PLXDC1: variants seen among roughly 807,000 people sequenced by gnomAD.
PLXDC1 encodes plexin domain-containing protein 1.
Under a neutral mutation model 61.3 loss-of-function variants are expected in PLXDC1, and 39 were observed. The observed-to-expected ratio is 0.64, with a 90% confidence interval of 0.49 to 0.83. The LOEUF (loss-of-function observed/expected upper bound fraction) is 0.83. Ranked by LOEUF, PLXDC1 falls within the 40% of genes least tolerant of loss-of-function variation. The pLI, the probability that PLXDC1 is intolerant of heterozygous loss-of-function variation, is 0.00. For missense variants in PLXDC1, 596 were observed against 666.5 expected (o/e 0.89, Z 1.17); for synonymous variants, 212 against 254.5 (o/e 0.83, Z 1.59).
chr17:39,109,602 C>T (rs546164685), intron 2 of PLXDC1, among the ~76,000 whole-genome samples: 98 of 152,268 alleles, frequency 6.4e-4, no homozygotes, highest in Non-Finnish European at 7.5e-4. Flanking sequence ...CCTAGTGGTG[C>T]CCCAACAGGC....
intron 2 of PLXDC1, among the ~76,000 whole-genome samples, chr17:39,128,089 C>CATATATATGTGTGTATA (rs1221469686): frequency 1.5e-5 from 1 of 68,780 alleles, no homozygotes; most frequent in Non-Finnish European, 2.8e-5. Flanking sequence ...CTCTCTCTCT[C>CATATATATGTGTGTATA]TCTATGTGTA....
rs935487556 is a variant in PLXDC1 at position 39,109,445 on chromosome 17, G to A, written c.256-54C>T. The A allele has an allele frequency of 4.6e-5, 70 of 1,538,234 alleles. No individual in the cohort carries two copies. The East Asian group carries it at 1.6e-3, about 35-fold the overall frequency. On this transcript the variant is annotated intron_variant, in intron 2 of 13. Coordinates refer to ENST00000315392, the MANE Select transcript of PLXDC1 (RefSeq NM_020405.5). ...GAGGTGTGAGTAGTCAGCATGCCAGGACTGACTCTCCGCCCTTCCCCACTC... is the reference window on the plus strand; with the variant it reads ...GAGGTGTGAGTAGTCAGCATGCCAGAACTGACTCTCCGCCCTTCCCCACTC...
Position 39,108,993 on chromosome 17 carries a change from G to T in PLXDC1, c.400-20C>A, listed in dbSNP as rs1409461122. The T allele has an allele frequency of 6.3e-7, 1 of 1,589,610 alleles. No individual in the cohort carries two copies. The highest frequency in any genetic ancestry group is 1.1e-5 in the South Asian group (1 of 90,230). On this transcript the variant is annotated intron_variant, in intron 3 of 13. Coordinates refer to ENST00000315392, the MANE Select transcript of PLXDC1 (RefSeq NM_020405.5). ...CACTCTCTGCAGGGGATGGGAGAAAGTCAGCACGGGCCAAGCTGCAGGCCA... is the reference window on the plus strand; with the variant it reads ...CACTCTCTGCAGGGGATGGGAGAAATTCAGCACGGGCCAAGCTGCAGGCCA...
intron 1 of PLXDC1, among the ~76,000 whole-genome samples, chr17:39,141,582 A>G (rs1229628237): frequency 6.6e-6 from 1 of 152,226 alleles, no homozygotes; most frequent in Non-Finnish European, 1.5e-5. Context: ...ATTGTGAACA[A>G]TGCTGCTACA....
In PLXDC1 at chr17:39,105,936, C is replaced by G. The variant is rs754365371; in HGVS notation, c.729G>C (p.Pro243=). 6.2e-7 allele frequency: 1 copy of G among 1,613,606 alleles called. No homozygotes were observed. The highest frequency in any genetic ancestry group is 1.3e-5 in the African/African-American group (1 of 75,028). The change falls in exon 7 of 14, where the codon CCG becomes CCC. Residue 243 remains proline, a synonymous_variant. Transcript: ENST00000315392. ...FAYKEIPMSV[P]EISSSQHPVK... is the part of the protein sequence containing the mutation. The stretch of plus-strand genomic sequence containing the variant: ...CAGGATGCTGGGAGGAGCTGATTTC[C>G]GGGACAGACATAGGGATCTGCGGCA...
Position 39,063,481 on chromosome 17 carries a change from C to T in PLXDC1, c.*4359G>A. The T allele has an allele frequency of 1.4e-6, 1 of 702,966 alleles. No individual in the cohort carries two copies. Among genetic ancestry groups the T allele is most frequent in the Non-Finnish European group, 2.6e-6 (1 of 385,002 alleles). 43.5% of individuals were successfully genotyped at this position (702,966 alleles called of 1,614,324 possible). A position where few individuals can be genotyped will look rare whatever the true frequency, so the allele number is the denominator to read the frequency against. On this transcript the variant is annotated 3_prime_UTR_variant, in exon 14 of 14. Transcript: ENST00000315392. ...GAAAGCACCTCTGATGAGCAGATAG[C>T]TGGAGGCTGTTCCCACAGTCATGTC... is the stretch of plus-strand genomic sequence containing the variant.
intron 12 of PLXDC1, 152 bp downstream of exon 12, chr17:39,072,298 C>A: frequency 1.5e-6 from 1 of 664,640 alleles, no homozygotes; most frequent in Non-Finnish European, 2.8e-6. Flanking sequence ...GCCCCCCTGC[C>A]TCCCCACCCA....
At chr17:39,118,495 T>G (rs1271832445) in intron 2 of PLXDC1, among the ~76,000 whole-genome samples, 1 of 152,202 alleles carries the variant, frequency 6.6e-6, no homozygotes, top group Non-Finnish European at 1.5e-5. Context: ...TGAGCCACCA[T>G]GTCCGCCTAG....
chr17:39,148,853 C>T lies in PLXDC1; in HGVS notation c.76+2509G>A, dbSNP rs539462827. Among the ~76,000 whole-genome samples, 12 of 152,292 alleles carry T rather than the reference C, an allele frequency of 7.9e-5. No individual in the cohort carries two copies. In the South Asian group the frequency reaches 2.3e-3, roughly 29 times the overall value. ...TGTTAGGATCACAAGCATGAGCCACCGTGACTGGTGCAAGCCCCCATTTTA... is the reference window on the plus strand; with the variant it reads ...TGTTAGGATCACAAGCATGAGCCACTGTGACTGGTGCAAGCCCCCATTTTA... On this transcript the variant is annotated intron_variant, in intron 1 of 13. Transcript: ENST00000315392.
chr17:39,128,106 T>TATATATATAC (rs1567769551), intron 2 of PLXDC1, among the ~76,000 whole-genome samples: 8 of 98,474 alleles, frequency 8.1e-5, no homozygotes, highest in South Asian at 3.3e-4. Flanking sequence ...TGTATATATA[T>TATATATATAC]ATATATATGT....
At position 39,128,097 on chromosome 17, in the gene PLXDC1, G is replaced by GTATATATATA. The variant is rs1419922925; in HGVS notation, c.255+11547_255+11556dup. 5.9e-4 allele frequency among the ~76,000 whole-genome samples: 40 copies of GTATATATATA among 67,498 alleles called. 4 individuals are homozygous for GTATATATATA. Among genetic ancestry groups the GTATATATATA allele is most frequent in the East Asian group, 2.1e-3 (4 of 1,938 alleles). The allele number at this position is 67,498 out of a possible 152,430, so 44.3% of individuals were successfully genotyped here. ...TCTCTCTCTCTCTCTCTCTCTATGT[G>GTATATATATA]TATATATATATATATATGTATATAT... is the stretch of plus-strand genomic sequence containing the variant. On this transcript the variant is annotated intron_variant, in intron 2 of 13. Coordinates refer to ENST00000315392, the MANE Select transcript of PLXDC1 (RefSeq NM_020405.5).
At chr17:39,099,526 G>A (rs1910345650) in intron 7 of PLXDC1, among the ~76,000 whole-genome samples, 1 of 152,102 alleles carries the variant, frequency 6.6e-6, no homozygotes, top group African/African-American at 2.4e-5. Context: ...AAGCAGCCTG[G>A]GGAGTTTGCA....
rs148559910 is a variant in PLXDC1, at chr17:39,088,821, C to T, written c.812-1119G>A. Among the ~76,000 whole-genome samples, 598 of 151,264 alleles carry T rather than the reference C, an allele frequency of 4.0e-3. 26 individuals are homozygous for T. In the East Asian group the frequency reaches 0.092, roughly 23 times the overall value. On this transcript the variant is annotated intron_variant, in intron 7 of 13. Transcript: ENST00000315392. ...AAAATTAGCTGGGTGTGGTGGTACA[C>T]GCCTGTAATCCCAGCTACTTGAGAG...
intron 5 of PLXDC1, chr17:39,107,789 T>C: frequency 1.7e-6 from 1 of 572,694 alleles, no homozygotes; most frequent in Non-Finnish European, 3.1e-6. Flanking sequence ...TTCTGACTCC[T>C]TGAGATAAAA....
At chr17:39,145,388 G>C (rs1346328526) in intron 1 of PLXDC1, among the ~76,000 whole-genome samples, 1 of 152,198 alleles carries the variant, frequency 6.6e-6, no homozygotes, top group African/African-American at 2.4e-5. Flanking sequence ...CCTGGGCCAA[G>C]CCATCCTCAT....
chr17:39,104,501 G>A (rs942734143), intron 7 of PLXDC1, among the ~76,000 whole-genome samples: 3 of 152,162 alleles, frequency 2.0e-5, no homozygotes, highest in African/African-American at 7.2e-5. Flanking sequence ...CAGAGGTTTG[G>A]GGTGGGGCAT....
At chr17:39,100,009 C>T (rs995210223) in intron 7 of PLXDC1, among the ~76,000 whole-genome samples, 2 of 152,160 alleles carry the variant, frequency 1.3e-5, no homozygotes, top group Non-Finnish European at 2.9e-5. Context: ...CCCTGGTTTG[C>T]GTCTTCCTCG....
chr17:39,139,614 C>G, intron 2 of PLXDC1, 40 bp downstream of exon 2: 1 of 1,513,846 alleles, frequency 6.6e-7, no homozygotes, highest in Non-Finnish European at 9.1e-7. Flanking sequence ...ACCTCCCCCA[C>G]CCCCACTTCG....
At chr17:39,143,195 C>A (rs1195299333) in intron 1 of PLXDC1, among the ~76,000 whole-genome samples, 5 of 152,114 alleles carry the variant, frequency 3.3e-5, no homozygotes, top group South Asian at 2.1e-4. Flanking sequence ...AAGATTTATG[C>A]CCCCCAAAGC....
Sources: allele counts gnomAD v4.1 joint callset (sites outside exome capture counted in the v4.1 genomes callset), GRCh38; gene constraint gnomAD v4.1.1; transcripts MANE v1.5; gene names NCBI Gene and HGNC (gene_info 2026-07-23, HGNC 2026-07-21).